Variants in SEC14L1 observed in about 807,000 individuals in gnomAD.
The protein encoded by SEC14L1 is SEC14-like protein 1.
A neutral mutation model predicts 85.3 loss-of-function variants in SEC14L1; 48 were observed. That is an observed-to-expected ratio of 0.56 (90% CI 0.45 to 0.72). The LOEUF (loss-of-function observed/expected upper bound fraction) is 0.72. SEC14L1 is among the 30% of genes least tolerant of loss of function. SEC14L1 has a pLI of 0.00. For missense variants in SEC14L1, 682 were observed against 921.4 expected (o/e 0.74, Z 3.36); for synonymous variants, 391 against 355.5 (o/e 1.10, Z -1.12).
intron 3 of SEC14L1, among the ~76,000 whole-genome samples, chr17:77,172,845 T>C (rs1326028965): frequency 6.6e-6 from 1 of 152,194 alleles, no homozygotes; most frequent in Non-Finnish European, 1.5e-5. Context: ...CCTTTAATTA[T>C]CAGTTCTCCA....
At chr17:77,164,281 A>G (rs1188730407) in intron 3 of SEC14L1, among the ~76,000 whole-genome samples, 1 of 152,156 alleles carries the variant, frequency 6.6e-6, no homozygotes, top group Non-Finnish European at 1.5e-5. Context: ...ATAATTCCCA[A>G]CAGGGCCAGT....
chr17:77,117,384 T>C (rs1432383680), intron 3 of SEC14L1, among the ~76,000 whole-genome samples: 1 of 151,292 alleles, frequency 6.6e-6, no homozygotes, highest in Non-Finnish European at 1.5e-5. Context: ...AAAATGCAGC[T>C]GAAGTAAGCT....
chr17:77,216,710 C>A lies in SEC14L1; in HGVS notation c.*2687C>A. The A allele has an allele frequency of 7.0e-7, 1 of 1,423,018 alleles. No homozygotes were observed. The allele number at this position is 1,423,018 out of a possible 1,614,324, so 88.1% of individuals were successfully genotyped here. On this transcript the variant is annotated 3_prime_UTR_variant, in exon 17 of 17. Transcript: ENST00000436233. Reference sequence around the variant, plus strand: ...GATTCGGGAGTGGCATTCTTTTATACCCAAAGACTGTAGTGCATCTTGAAG... The same window carrying A: ...GATTCGGGAGTGGCATTCTTTTATAACCAAAGACTGTAGTGCATCTTGAAG...
At position 77,180,611 on chromosome 17, in the gene SEC14L1, GA is replaced by G. The variant is rs1180279161; in HGVS notation, c.64-10191del. Among the ~76,000 whole-genome samples, 5 of 152,102 alleles carry G rather than the reference GA, an allele frequency of 3.3e-5. No individual in the cohort carries two copies. In the South Asian group the frequency reaches 6.2e-4, roughly 19 times the overall value. Reference sequence around the variant, plus strand: ...GACTTGATGCGTTTATCTCACTGAAGACTGGTACCCGAGGCAGCTGACTTTG... The same window carrying G: ...GACTTGATGCGTTTATCTCACTGAAGCTGGTACCCGAGGCAGCTGACTTTG... On this transcript the variant is annotated intron_variant, in intron 3 of 16. Coordinates refer to ENST00000436233, the MANE Select transcript of SEC14L1 (RefSeq NM_001143998.2).
intron 7 of SEC14L1, 31 bp downstream of exon 7, chr17:77,194,942 C>A: frequency 6.5e-7 from 1 of 1,544,424 alleles, no homozygotes; most frequent in Non-Finnish European, 9.0e-7. Flanking sequence ...ATCCCGAGAG[C>A]AAGGCTAGGG....
At chr17:77,116,503 G>A (rs1471644489) in intron 3 of SEC14L1, among the ~76,000 whole-genome samples, 1 of 152,212 alleles carries the variant, frequency 6.6e-6, no homozygotes, top group Non-Finnish European at 1.5e-5. Context: ...AGTTGGAAGA[G>A]GCTCAAAGTA....
intron 3 of SEC14L1, among the ~76,000 whole-genome samples, chr17:77,161,742 A>C: frequency 7.0e-6 from 1 of 141,952 alleles, no homozygotes; most frequent in Non-Finnish European, 1.5e-5. Context: ...TTTTTAAACA[A>C]CCAGAGGTTA....
At chr17:77,194,578 A>T in intron 6 of SEC14L1, 99 bp from the exon 7 acceptor site, 1 of 857,280 alleles carries the variant, frequency 1.2e-6, no homozygotes, top group Non-Finnish European at 1.8e-6. Context: ...TGTGAGGCTC[A>T]CCATCTTCCG....
intron 3 of SEC14L1, among the ~76,000 whole-genome samples, chr17:77,110,417 G>C (rs1440401533): frequency 1.3e-5 from 2 of 152,090 alleles, no homozygotes; most frequent in East Asian, 3.9e-4. Context: ...GAAAAGAGTC[G>C]AAGTGTATAA....
chr17:77,141,329 G>GCCCCCCTCCCCCGCCCCCA (rs1302146389), intron 1 of SEC14L1: 1 of 46,572 alleles, frequency 2.1e-5, no homozygotes, highest in Admixed American at 2.8e-4. Flanking sequence ...GCCGCCCCTC[G>GCCCCCCTCCCCCGCCCCCA]CCCCCCTCCC....
At chr17:77,105,517 A>G (rs78562762) in intron 3 of SEC14L1, among the ~76,000 whole-genome samples, 256 of 152,224 alleles carry the variant, frequency 1.7e-3, no homozygotes, top group African/African-American at 6.0e-3. Flanking sequence ...TTTAGAGAAC[A>G]TTCAGATTAA....
intron 5 of SEC14L1, among the ~76,000 whole-genome samples, chr17:77,192,886 T>G (rs1225213263): frequency 1.3e-5 from 2 of 152,188 alleles, no homozygotes; most frequent in African/African-American, 4.8e-5. Flanking sequence ...GGTCTCAAAC[T>G]CCTGGACTCA....
In SEC14L1 at chr17:77,214,311, A is replaced by G; in HGVS notation, c.*288A>G. On this transcript the variant is annotated 3_prime_UTR_variant, in exon 17 of 17. Transcript: ENST00000436233. ...AAGAAAAGTAGTTTCTGTACCAATT[A>G]AAGGATTGACGTGGTCTCAGATATT... 2 of 1,174,564 alleles carry G rather than the reference A, an allele frequency of 1.7e-6. No individual in the cohort carries two copies. Among genetic ancestry groups the G allele is most frequent in the African/African-American group, 1.6e-5 (1 of 63,770 alleles). The allele number at this position is 1,174,564 out of a possible 1,614,324, so 72.8% of individuals were successfully genotyped here.
In SEC14L1 at chr17:77,216,847, G is replaced by A. The variant is rs1313388684; in HGVS notation, c.*2824G>A. The A allele has an allele frequency of 1.6e-4, 72 of 453,380 alleles. No individual in the cohort carries two copies. Among genetic ancestry groups the A allele is most frequent in the Non-Finnish European group, 2.3e-5 (6 of 255,426 alleles). The allele number at this position is 453,380 out of a possible 1,614,324, so 28.1% of individuals were successfully genotyped here. ...CAGCTATGGTTTGAGTATGCAGTTT[G>A]CATCGTGTTTCTACCTTTAGTACCT... On this transcript the variant is annotated 3_prime_UTR_variant, in exon 17 of 17. Coordinates refer to ENST00000436233, the MANE Select transcript of SEC14L1 (RefSeq NM_001143998.2).
At chr17:77,193,293 T>G in intron 5 of SEC14L1, 128 bp from the exon 6 acceptor site, 1 of 809,286 alleles carries the variant, frequency 1.2e-6, no homozygotes, top group Non-Finnish European at 1.8e-6. Context: ...TTCCATCTGC[T>G]GTCTTTATGG....
Position 77,213,254 on chromosome 17 carries a change from G to T in SEC14L1, c.1864-60G>T. On this transcript the variant is annotated intron_variant, in intron 15 of 16. Coordinates refer to ENST00000436233, the MANE Select transcript of SEC14L1 (RefSeq NM_001143998.2). This position sits in a 1 kb window ranked among gnomAD's most constrained non-coding sequence, Gnocchi z 7.1. Reference sequence around the variant, plus strand: ...AGTCCCCTTGGCGCTTGTCAGGCCTGTGGTAGGCCAGGGGTCGGAAGCGAG... The same window carrying T: ...AGTCCCCTTGGCGCTTGTCAGGCCTTTGGTAGGCCAGGGGTCGGAAGCGAG... The T allele has an allele frequency of 1.4e-6, 2 of 1,456,290 alleles. No individual in the cohort carries two copies. The highest frequency in any genetic ancestry group is 1.9e-6 in the Non-Finnish European group (2 of 1,069,888). 90.2% of individuals were successfully genotyped at this position (1,456,290 alleles called of 1,614,324 possible).
At chr17:77,128,266 A>G (rs912585439) in intron 3 of SEC14L1, among the ~76,000 whole-genome samples, 19 of 152,080 alleles carry the variant, frequency 1.2e-4, no homozygotes, top group African/African-American at 4.6e-4. Flanking sequence ...AATGTCTAGT[A>G]GGCAGCTGGG....
chr17:77,130,742 G>A (rs952147580), intron 3 of SEC14L1, among the ~76,000 whole-genome samples: 2 of 152,146 alleles, frequency 1.3e-5, no homozygotes, highest in Admixed American at 1.3e-4. Context: ...AAGCAGCTGG[G>A]AATGCAGGCA....
chr17:77,214,441 GCT>G lies in SEC14L1; in HGVS notation c.*420_*421del. ...TCCTCACCTGGGACGGAAGCTGCCAGCTCGCTTCCCCCAAGCTGCCTCATGGC... is the reference window on the plus strand; with the variant it reads ...TCCTCACCTGGGACGGAAGCTGCCAGCGCTTCCCCCAAGCTGCCTCATGGC... On this transcript the variant is annotated 3_prime_UTR_variant, in exon 17 of 17. Coordinates refer to ENST00000436233, the MANE Select transcript of SEC14L1 (RefSeq NM_001143998.2). 1 of 1,001,112 alleles carries G rather than the reference GCT, an allele frequency of 1.0e-6. No homozygotes were observed. The highest frequency in any genetic ancestry group is 1.2e-6 in the Non-Finnish European group (1 of 838,792). 62.0% of individuals were successfully genotyped at this position (1,001,112 alleles called of 1,614,324 possible).
Sources: gnomAD v4.1 joint callset for allele counts (sites outside exome capture counted in the v4.1 genomes callset) on GRCh38, gnomAD v4.1.1 for gene constraint, Gnocchi (gnomAD v3.1) non-coding constraint, MANE v1.5 for transcripts, NCBI Gene and HGNC (gene_info 2026-07-23, HGNC 2026-07-21) for gene names.